PCDHGA6: variants seen among roughly 807,000 people sequenced by gnomAD.
PCDHGA6 encodes protocadherin gamma subfamily A, 6, also known as protocadherin gamma-A6.
PCDHGA6 carries 41 observed loss-of-function variants against 60.6 expected under a neutral mutation model. The observed-to-expected ratio is 0.68, with a 90% confidence interval of 0.53 to 0.88. The LOEUF (loss-of-function observed/expected upper bound fraction) is 0.88. PCDHGA6 is among the 40% of genes least tolerant of loss of function. PCDHGA6 has a pLI of 0.00. For missense variants in PCDHGA6, 1,312 were observed against 1,203.0 expected (o/e 1.09, Z -1.34); for synonymous variants, 594 against 524.4 (o/e 1.13, Z -1.81).
At chr5:141,423,880 G>A in intron 1 of PCDHGA6, 1 of 1,282,292 alleles carries the variant, frequency 7.8e-7, no homozygotes, top group Middle Eastern at 2.9e-4. Context: ...TTTCAATCTT[G>A]GCATATTTTC....
At chr5:141,438,282 T>C (rs915347472) in intron 1 of PCDHGA6, among the ~76,000 whole-genome samples, 1 of 151,630 alleles carries the variant, frequency 6.6e-6, no homozygotes, top group African/African-American at 2.4e-5. Context: ...CAAAATAATT[T>C]AATCTGTATG....
At chr5:141,405,232 C>T (rs779259588) in intron 1 of PCDHGA6, 8 of 1,613,990 alleles carry the variant, frequency 5.0e-6, no homozygotes, top group Middle Eastern at 1.6e-4. Flanking sequence ...TCTCCCTCAC[C>T]GCTGACTCAA....
intron 1 of PCDHGA6, among the ~76,000 whole-genome samples, chr5:141,453,850 CT>C (rs1465668273): frequency 1.3e-5 from 2 of 152,148 alleles, no homozygotes; most frequent in Non-Finnish European, 2.9e-5. Context: ...CCACAGAGCA[CT>C]TTGAAAATAA....
Position 141,490,973 on chromosome 5 carries a change from G to A in PCDHGA6, c.2425-3834G>A, listed in dbSNP as rs774983500. 5.0e-6 allele frequency: 8 copies of A among 1,613,932 alleles called. No homozygotes were observed. The highest frequency in any genetic ancestry group is 2.2e-5 in the East Asian group (1 of 44,878). On this transcript the variant is annotated intron_variant, in intron 1 of 3. Transcript: ENST00000517434. The surrounding 1 kb of genome is among the most constrained non-coding windows in gnomAD (Gnocchi z 5.4). ...GACTGGGAACACTCAGCCCCCCAGC[G>A]TCTCCCTCGCTCTGCTCCTCCTGGC...
chr5:141,394,397 G>A, intron 1 of PCDHGA6: 1 of 1,614,212 alleles, frequency 6.2e-7, no homozygotes, highest in Non-Finnish European at 8.5e-7. Flanking sequence ...TCCGAGACCT[G>A]CAGCTACTGG....
At chr5:141,389,169 C>T in intron 1 of PCDHGA6, 2 of 1,614,028 alleles carry the variant, frequency 1.2e-6, no homozygotes, top group Non-Finnish European at 1.7e-6. Context: ...GGGCAAGCCT[C>T]CCCTCTCCTC....
At position 141,393,204 on chromosome 5, in the gene PCDHGA6, C is replaced by G. The variant is rs373432896; in HGVS notation, c.2424+16697C>G. On this transcript the variant is annotated intron_variant, in intron 1 of 3. Transcript: ENST00000517434. ...AATAATTGATATTAACGATAATAAC[C>G]CAAAATTCCAGGTCGAAGATCTAGA... 7 of 1,613,342 alleles carry G rather than the reference C, an allele frequency of 4.3e-6. No homozygotes were observed. In the East Asian group the frequency reaches 1.6e-4, roughly 36 times the overall value.
rs1456184444 is a variant in PCDHGA6, at chr5:141,512,578, C to G, written c.*1405C>G. ...ATAGACCTTCTTCTCCCACCCCCTT[C>G]TGCCCCTGGGTCCCCGGCCATCCAG... On this transcript the variant is annotated 3_prime_UTR_variant, in exon 4 of 4. Coordinates refer to ENST00000517434, the MANE Select transcript of PCDHGA6 (RefSeq NM_018919.3). The G allele has an allele frequency of 6.5e-6, 1 of 153,062 alleles. No individual in the cohort carries two copies. The highest frequency in any genetic ancestry group is 1.5e-5 in the Non-Finnish European group (1 of 68,534). 9.5% of individuals were successfully genotyped at this position (153,062 alleles called of 1,614,324 possible). A position where few individuals can be genotyped will look rare whatever the true frequency, so the allele number is the denominator to read the frequency against.
chr5:141,485,982 A>G lies in PCDHGA6; in HGVS notation c.2425-8825A>G. 6.2e-7 allele frequency: 1 copy of G among 1,614,156 alleles called. No homozygotes were observed. The highest frequency in any genetic ancestry group is 8.5e-7 in the Non-Finnish European group (1 of 1,180,020). ...ATCCAGCTCAATGCCTCAGACCCGG[A>G]CCTGGGTCCCAGTGGTAACGTCACC... On this transcript the variant is annotated intron_variant, in intron 1 of 3. Coordinates refer to ENST00000517434, the MANE Select transcript of PCDHGA6 (RefSeq NM_018919.3). The surrounding 1 kb of genome is among the most constrained non-coding windows in gnomAD (Gnocchi z 5.7).
chr5:141,404,361 C>A, intron 1 of PCDHGA6: 3 of 1,613,956 alleles, frequency 1.9e-6, no homozygotes, highest in Non-Finnish European at 2.5e-6. Context: ...AGAGGTACTT[C>A]CATCTTCTCC....
At chr5:141,502,552 T>C (rs1217408446) in intron 2 of PCDHGA6, among the ~76,000 whole-genome samples, 1 of 152,146 alleles carries the variant, frequency 6.6e-6, no homozygotes, top group Non-Finnish European at 1.5e-5. Context: ...AAAAACAGTG[T>C]CCCAGATCTC....
At chr5:141,384,331 G>T (rs376216978) in intron 1 of PCDHGA6, 21 of 1,613,846 alleles carry the variant, frequency 1.3e-5, no homozygotes, top group African/African-American at 2.7e-5. Context: ...GACTGCACAG[G>T]ACCACGACAG....
At chr5:141,422,942 G>A (rs199976232) in intron 1 of PCDHGA6, 5 of 1,614,096 alleles carry the variant, frequency 3.1e-6, no homozygotes, top group Non-Finnish European at 4.2e-6. Flanking sequence ...CCCACAGACG[G>A]CTCCACTGGC....
chr5:141,390,279 C>T (rs759949726), intron 1 of PCDHGA6: 18 of 1,613,880 alleles, frequency 1.1e-5, no homozygotes, highest in Non-Finnish European at 1.5e-5. Context: ...GACTTCCCAT[C>T]AGGTGAGTTT....
chr5:141,473,029 G>A (rs62379204), intron 1 of PCDHGA6, among the ~76,000 whole-genome samples: 15,982 of 147,800 alleles, frequency 0.11, 873 homozygotes, highest in South Asian at 0.15. Flanking sequence ...AAGGAAGGAA[G>A]GAAGGAAAGA....
rs549955923 is a variant in PCDHGA6, at chr5:141,409,897, A to G, written c.2424+33390A>G. 8.7e-6 allele frequency: 14 copies of G among 1,613,204 alleles called. No individual in the cohort carries two copies. The South Asian group carries it at 1.3e-4, about 15-fold the overall frequency. On this transcript the variant is annotated intron_variant, in intron 1 of 3. Coordinates refer to ENST00000517434, the MANE Select transcript of PCDHGA6 (RefSeq NM_018919.3). ...ACAACGCACCGCGGGTGCTGTACCC[A>G]GCTCTGGGTCCTGACGGCTCCGCGT...
chr5:141,375,194 G>A lies in PCDHGA6; in HGVS notation c.1111G>A (p.Val371Met), dbSNP rs763161370. 1 of 1,613,964 alleles carries A rather than the reference G, an allele frequency of 6.2e-7. No homozygotes were observed. Among genetic ancestry groups the A allele is most frequent in the South Asian group, 1.1e-5 (1 of 91,080 alleles). ...AGGAACAGTAATCGCCCTTTTTCAA[G>A]TGTTCGATCGAGACTCTGGCCTGAA... ...PPGTVIALFQ[V>M]FDRDSGLNGL... The change falls in exon 1 of 4, where the codon GTG (valine) becomes ATG (methionine). Residue 371 changes from valine (V) to methionine (M), a missense_variant. By Grantham distance (21) the Val-to-Met change is conservative. Coordinates refer to ENST00000517434, the MANE Select transcript of PCDHGA6 (RefSeq NM_018919.3).
At chr5:141,387,707 C>A (rs1441500005) in intron 1 of PCDHGA6, 1 of 994,952 alleles carries the variant, frequency 1.0e-6, no homozygotes, top group Non-Finnish European at 1.5e-6. Flanking sequence ...CAGGGCAGCC[C>A]CAGCTCAGAC....
chr5:141,452,449 T>G (rs1482580788), intron 1 of PCDHGA6, among the ~76,000 whole-genome samples: 1 of 152,224 alleles, frequency 6.6e-6, no homozygotes, highest in South Asian at 2.1e-4. Flanking sequence ...TTCTAGGCCT[T>G]GTCAGCAGAC....
Sources: allele counts gnomAD v4.1 joint callset (sites outside exome capture counted in the v4.1 genomes callset), GRCh38; gene constraint gnomAD v4.1.1; non-coding constraint Gnocchi (gnomAD v3.1); transcripts MANE v1.5; gene names NCBI Gene and HGNC (gene_info 2026-07-23, HGNC 2026-07-21).